Variants in PSD3 observed in about 807,000 individuals in gnomAD.
The protein encoded by PSD3 is pleckstrin and Sec7 domain containing 3, also known as PH and SEC7 domain-containing protein 3.
Under a neutral mutation model 105.5 loss-of-function variants are expected in PSD3, and 49 were observed. That is an observed-to-expected ratio of 0.46 (90% CI 0.37 to 0.59). The LOEUF is 0.59. Ranked by LOEUF, PSD3 falls within the 20% of genes least tolerant of loss-of-function variation. The probability of loss-of-function intolerance (pLI) is 0.00; values close to 1 mark genes in which losing one functional copy is unlikely to be tolerated. For synonymous variants in PSD3, 557 were observed against 457.8 expected (o/e 1.22, Z -2.77); for missense variants, 1,561 against 1,263.8 (o/e 1.24, Z -3.57).
chr8:18,702,174 T>G (rs766820584), intron 9 of PSD3, among the ~76,000 whole-genome samples: 38 of 152,208 alleles, frequency 2.5e-4, no homozygotes, highest in African/African-American at 4.8e-4. Flanking sequence ...AATAATCAAT[T>G]TGTAACCGAC....
At chr8:18,566,027 G>C (rs1377632778) in intron 14 of PSD3, among the ~76,000 whole-genome samples, 3 of 152,222 alleles carry the variant, frequency 2.0e-5, no homozygotes, top group Non-Finnish European at 2.9e-5. Flanking sequence ...TAGTCTTTGA[G>C]GTACTGGAGG....
Position 18,536,101 on chromosome 8 carries a change from G to A in PSD3, c.2929-143C>T, listed in dbSNP as rs149164999. On this transcript the variant is annotated intron_variant, in intron 15 of 15. Transcript: ENST00000327040. ...TTTCCCAAACTGACAAATTACTTGG[G>A]CACTTACTGGGCACATGAGAGGCAA... The A allele has an allele frequency of 3.8e-5, 28 of 745,380 alleles. No homozygotes were observed. The African/African-American group carries it at 4.5e-4, about 12-fold the overall frequency. 46.2% of individuals were successfully genotyped at this position (745,380 alleles called of 1,614,324 possible).
chr8:18,662,867 C>T (rs977371069), intron 9 of PSD3, among the ~76,000 whole-genome samples: 18 of 152,052 alleles, frequency 1.2e-4, no homozygotes, highest in Non-Finnish European at 1.0e-4. Flanking sequence ...TTAATAAATG[C>T]ACATTTTAAA....
intron 9 of PSD3, among the ~76,000 whole-genome samples, chr8:18,726,051 A>G (rs1410980376): frequency 6.6e-6 from 1 of 152,200 alleles, no homozygotes; most frequent in Non-Finnish European, 1.5e-5. Flanking sequence ...CAGCCAAGAC[A>G]CTAACCTCAC....
intron 1 of PSD3, among the ~76,000 whole-genome samples, chr8:19,047,145 G>T (rs1459006471): frequency 6.6e-6 from 1 of 152,162 alleles, no homozygotes; most frequent in Non-Finnish European, 1.5e-5. Context: ...AACTAAACTA[G>T]GTGCTTAAGA....
At chr8:18,925,389 GTATA>G (rs34212482) in intron 2 of PSD3, among the ~76,000 whole-genome samples, 1 of 147,648 alleles carries the variant, frequency 6.8e-6, no homozygotes, top group Non-Finnish European at 1.5e-5. Flanking sequence ...ATCTCTAAAA[GTATA>G]TATATATATA....
At chr8:18,717,190 G>C (rs1802655155) in intron 9 of PSD3, among the ~76,000 whole-genome samples, 1 of 151,534 alleles carries the variant, frequency 6.6e-6, no homozygotes, top group Admixed American at 6.6e-5. Flanking sequence ...TCAAACAAGA[G>C]AATGAAATAA....
At chr8:18,994,825 A>G (rs1825988228) in intron 1 of PSD3, among the ~76,000 whole-genome samples, 1 of 151,930 alleles carries the variant, frequency 6.6e-6, no homozygotes. Flanking sequence ...CATTAAAATC[A>G]GGACAAGATC....
intron 9 of PSD3, among the ~76,000 whole-genome samples, chr8:18,752,573 AT>A (rs1805651191): frequency 1.7e-5 from 1 of 57,462 alleles, no homozygotes; most frequent in Non-Finnish European, 2.9e-5. Flanking sequence ...TATTATATAT[AT>A]AATTATATAT....
intron 9 of PSD3, among the ~76,000 whole-genome samples, chr8:18,746,187 T>C (rs1805004465): frequency 6.6e-6 from 1 of 152,176 alleles, no homozygotes; most frequent in Admixed American, 6.5e-5. Flanking sequence ...TTGGTTTTTC[T>C]ACACTGTCCT....
chr8:18,577,476 C>G (rs1001127330), intron 12 of PSD3, among the ~76,000 whole-genome samples: 5 of 151,988 alleles, frequency 3.3e-5, no homozygotes, highest in Non-Finnish European at 7.4e-5. Flanking sequence ...GTATATTAAC[C>G]TTTTCCACTT....
chr8:18,776,252 C>T (rs1473535556), intron 8 of PSD3, among the ~76,000 whole-genome samples: 3 of 146,746 alleles, frequency 2.0e-5, no homozygotes, highest in Non-Finnish European at 4.5e-5. Flanking sequence ...ATGGCTCTCT[C>T]TCTCTCTCTA....
chr8:18,890,528 T>G (rs1019716763), intron 2 of PSD3, among the ~76,000 whole-genome samples: 1 of 152,122 alleles, frequency 6.6e-6, no homozygotes, highest in African/African-American at 2.4e-5. Flanking sequence ...ATACGCTGTT[T>G]TGAAAAGAAA....
At chr8:18,949,337 T>C (rs1823097161) in intron 1 of PSD3, among the ~76,000 whole-genome samples, 1 of 143,384 alleles carries the variant, frequency 7.0e-6, no homozygotes, top group Non-Finnish European at 1.5e-5. Flanking sequence ...TAAATCAATG[T>C]TATTTTCTAC....
At chr8:18,903,813 G>A (rs138880560) in intron 2 of PSD3, among the ~76,000 whole-genome samples, 91 of 152,198 alleles carry the variant, frequency 6.0e-4, no homozygotes, top group East Asian at 2.3e-3. Context: ...CCAAGGCACC[G>A]TTTTGGGGAC....
At chr8:18,718,526 A>G (rs926207290) in intron 9 of PSD3, among the ~76,000 whole-genome samples, 1 of 152,234 alleles carries the variant, frequency 6.6e-6, no homozygotes, top group Non-Finnish European at 1.5e-5. Context: ...CTTTGGGAAT[A>G]CTGATGCATT....
chr8:18,729,669 G>A (rs1480547587), intron 9 of PSD3, among the ~76,000 whole-genome samples: 1 of 152,168 alleles, frequency 6.6e-6, no homozygotes, highest in East Asian at 1.9e-4. Context: ...TCTGTCTCAT[G>A]TATTACCTTC....
intron 4 of PSD3, among the ~76,000 whole-genome samples, chr8:18,819,190 A>T (rs547448881): frequency 1.3e-5 from 2 of 152,332 alleles, no homozygotes; most frequent in East Asian, 3.9e-4. Flanking sequence ...ATGACAAGGT[A>T]AACAGCTGTT....
At position 18,527,716 on chromosome 8, in the gene PSD3, AAAG is replaced by A. The variant is rs1563286813; in HGVS notation, c.*8024_*8026del. ...TCCACACAAATTACTGTTCCTTTCAAAAGAAGACCACCACAAACGCCATCGTTT... is the reference window on the plus strand; with the variant it reads ...TCCACACAAATTACTGTTCCTTTCAAAAGACCACCACAAACGCCATCGTTT... On this transcript the variant is annotated 3_prime_UTR_variant, in exon 16 of 16. Transcript: ENST00000327040. 1.3e-5 allele frequency: 2 copies of A among 152,776 alleles called. No homozygotes were observed. The highest frequency in any genetic ancestry group is 2.1e-4 in the South Asian group (1 of 4,828). The allele number at this position is 152,776 out of a possible 1,614,324, so 9.5% of individuals were successfully genotyped here.
Sources: gnomAD v4.1 joint callset for allele counts (sites outside exome capture counted in the v4.1 genomes callset) on GRCh38, gnomAD v4.1.1 for gene constraint, MANE v1.5 for transcripts, NCBI Gene and HGNC (gene_info 2026-07-23, HGNC 2026-07-21) for gene names.